The following AKAP13 variants were observed in gnomAD, a reference collection of about 807,000 sequenced individuals.
AKAP13 encodes A-kinase anchoring protein 13.
A neutral mutation model predicts 264.5 loss-of-function variants in AKAP13; 80 were observed. The observed-to-expected ratio is 0.30, with a 90% CI of 0.25 to 0.36. The LOEUF (loss-of-function observed/expected upper bound fraction) is 0.36, where lower values mean the gene tolerates loss of function less well. AKAP13 is among the 10% of genes least tolerant of loss of function. The pLI, the probability that AKAP13 is intolerant of heterozygous loss-of-function variation, is 1.00. For synonymous variants in AKAP13, 1,380 were observed against 1,250.2 expected (o/e 1.10, Z -2.19); for missense variants, 3,712 against 3,435.2 (o/e 1.08, Z -2.01).
chr15:85,451,703 T>A (rs1331630358), intron 1 of AKAP13, among the ~76,000 whole-genome samples: 2 of 152,378 alleles, frequency 1.3e-5, no homozygotes, highest in Non-Finnish European at 2.9e-5. Flanking sequence ...CCCAGTCTCT[T>A]CTGGCTTGTA....
intron 14 of AKAP13, among the ~76,000 whole-genome samples, chr15:85,680,024 A>C (rs2084499472): frequency 6.6e-6 from 1 of 152,222 alleles, no homozygotes; most frequent in Non-Finnish European, 1.5e-5. Flanking sequence ...TAGGAGTCAT[A>C]GATTCTCCTA....
chr15:85,565,080 A>G (rs1041855335), intron 5 of AKAP13, among the ~76,000 whole-genome samples: 1 of 152,210 alleles, frequency 6.6e-6, no homozygotes, highest in Admixed American at 6.5e-5. Context: ...AGCTTTTCAT[A>G]TCTTAAAGTC....
chr15:85,439,967 T>C (rs2073555328), intron 1 of AKAP13, among the ~76,000 whole-genome samples: 1 of 129,742 alleles, frequency 7.7e-6, no homozygotes, highest in Non-Finnish European at 1.9e-5. Flanking sequence ...ACTTAAAGTA[T>C]AATAAAAAAT....
chr15:85,458,386 G>GTTTTTTTTTTTTTTTTTTTTT (rs1160050565), intron 1 of AKAP13, among the ~76,000 whole-genome samples: 2 of 103,930 alleles, frequency 1.9e-5, no homozygotes, highest in East Asian at 3.1e-4. Context: ...TGTATTTTTT[G>GTTTTTTTTTTTTTTTTTTTTT]TTTTTTGTTT....
intron 1 of AKAP13, among the ~76,000 whole-genome samples, chr15:85,431,527 T>C (rs1442254965): frequency 6.6e-6 from 1 of 152,168 alleles, no homozygotes; most frequent in Non-Finnish European, 1.5e-5. Context: ...TTTACTATCT[T>C]GAGTTAATAG....
At chr15:85,430,365 C>T (rs2072972993) in intron 1 of AKAP13, among the ~76,000 whole-genome samples, 1 of 152,172 alleles carries the variant, frequency 6.6e-6, no homozygotes, top group African/African-American at 2.4e-5. Context: ...GTTAACTTGT[C>T]TTTCCTAAGC....
At chr15:85,422,010 A>G (rs910115382) in intron 1 of AKAP13, among the ~76,000 whole-genome samples, 1 of 152,132 alleles carries the variant, frequency 6.6e-6, no homozygotes, top group Non-Finnish European at 1.5e-5. Flanking sequence ...CAGCATTCCA[A>G]AGGTCTTTGT....
intron 19 of AKAP13, among the ~76,000 whole-genome samples, chr15:85,710,869 A>G (rs2086598528): frequency 6.6e-6 from 1 of 152,180 alleles, no homozygotes; most frequent in African/African-American, 2.4e-5. Flanking sequence ...GTATTAGCTT[A>G]AAGGCAGCAC....
chr15:85,605,168 T>C (rs1370810460), intron 8 of AKAP13, among the ~76,000 whole-genome samples: 26 of 152,260 alleles, frequency 1.7e-4, no homozygotes, highest in Admixed American at 1.7e-3. Context: ...CCGTTATTTT[T>C]TGAGAAATTA....
At chr15:85,463,009 G>A (rs925677950) in intron 1 of AKAP13, among the ~76,000 whole-genome samples, 1 of 119,308 alleles carries the variant, frequency 8.4e-6, no homozygotes, top group Admixed American at 1.1e-4. Flanking sequence ...GGGCGACAGA[G>A]CGAGACTCCG....
intron 10 of AKAP13, among the ~76,000 whole-genome samples, chr15:85,654,636 T>C (rs549963614): frequency 1.1e-4 from 16 of 152,140 alleles, no homozygotes; most frequent in African/African-American, 3.9e-4. Context: ...CTGGGCAACA[T>C]GGTGAAACCC....
intron 5 of AKAP13, among the ~76,000 whole-genome samples, chr15:85,571,071 G>A (rs1305448333): frequency 6.6e-6 from 1 of 152,068 alleles, no homozygotes; most frequent in Non-Finnish European, 1.5e-5. Flanking sequence ...TTAATGTTTG[G>A]CATTAGAGGA....
intron 8 of AKAP13, among the ~76,000 whole-genome samples, chr15:85,591,238 T>C (rs2079565894): frequency 6.6e-6 from 1 of 152,110 alleles, no homozygotes; most frequent in Admixed American, 6.5e-5. Context: ...TTTCCCATTA[T>C]ACTATTTCCT....
chr15:85,613,713 T>TATATATGTATGTATATATATATA (rs1254657975), intron 8 of AKAP13, among the ~76,000 whole-genome samples: 1 of 111,026 alleles, frequency 9.0e-6, no homozygotes, highest in African/African-American at 3.4e-5. Flanking sequence ...TATATATATA[T>TATATATGTATGTATATATATATA]TAGGAGTGCT....
intron 1 of AKAP13, among the ~76,000 whole-genome samples, chr15:85,390,625 G>A (rs1030363869): frequency 1.3e-5 from 2 of 152,168 alleles, no homozygotes; most frequent in Non-Finnish European, 2.9e-5. Flanking sequence ...GAGCAGTAGT[G>A]GAAACGGAGA....
At chr15:85,694,487 GA>G (rs1400055664) in intron 17 of AKAP13, among the ~76,000 whole-genome samples, 2 of 152,256 alleles carry the variant, frequency 1.3e-5, no homozygotes, top group African/African-American at 4.8e-5. Flanking sequence ...ACTGAAATTT[GA>G]ATTTCATAAA....
intron 10 of AKAP13, among the ~76,000 whole-genome samples, chr15:85,654,369 C>G (rs2083001522): frequency 6.6e-6 from 1 of 152,118 alleles, no homozygotes; most frequent in South Asian, 2.1e-4. Context: ...TGTAGCCAAG[C>G]AGACTGTTTT....
At chr15:85,381,863 G>A (rs2070296436) in intron 1 of AKAP13, 2 of 152,096 alleles carry the variant, frequency 1.3e-5, no homozygotes, top group South Asian at 2.1e-4. Flanking sequence ...TTTAGAAGAA[G>A]CATTTTCTTC....
intron 16 of AKAP13, among the ~76,000 whole-genome samples, chr15:85,688,838 A>G (rs1438545182): frequency 1.3e-5 from 2 of 152,222 alleles, no homozygotes; most frequent in Non-Finnish European, 2.9e-5. Flanking sequence ...AGGGGATGCT[A>G]AACAGGAAGT....
Sources: gnomAD v4.1 joint callset for allele counts (sites outside exome capture counted in the v4.1 genomes callset) on GRCh38, gnomAD v4.1.1 for gene constraint, MANE v1.5 for transcripts, NCBI Gene and HGNC (gene_info 2026-07-23, HGNC 2026-07-21) for gene names.